INPP5D: variants seen among roughly 807,000 people sequenced by gnomAD.
INPP5D encodes the protein phosphatidylinositol 3,4,5-trisphosphate 5-phosphatase 1.
INPP5D carries 33 observed loss-of-function variants against 122.9 expected under a neutral mutation model. The ratio of observed to expected loss-of-function variants is 0.27; its 90% CI spans 0.20 to 0.36. INPP5D has a LOEUF of 0.36. Ranked by LOEUF, INPP5D falls within the 10% of genes least tolerant of loss-of-function variation. The pLI is 1.00. For synonymous variants in INPP5D, 584 were observed against 576.2 expected (o/e 1.01, Z -0.19); for missense variants, 1,053 against 1,412.7 (o/e 0.75, Z 4.08).
intron 25 of INPP5D, among the ~76,000 whole-genome samples, chr2:233,200,074 A>G (rs1434438259): frequency 2.0e-5 from 3 of 152,202 alleles, no homozygotes; most frequent in Non-Finnish European, 4.4e-5. Context: ...GCCTGCAGAG[A>G]GAGGAGGCCC....
chr2:233,105,797 G>A lies in INPP5D; in HGVS notation c.199-16310G>A, dbSNP rs2106238251. The stretch of plus-strand genomic sequence containing the variant: ...GAGGACAGGCTGCCAGCAAGTGGAG[G>A]GTGCCAGGGAGAGAGTGGCTCTGGG... On this transcript the variant is annotated intron_variant, in intron 2 of 26. Transcript: ENST00000445964. The surrounding 1 kb of genome is among the most constrained non-coding windows in gnomAD (Gnocchi z 4.0). Among the ~76,000 whole-genome samples, 1 of 152,278 alleles carries A rather than the reference G, an allele frequency of 6.6e-6. No individual in the cohort carries two copies. Among genetic ancestry groups the A allele is most frequent in the African/African-American group, 2.4e-5 (1 of 41,554 alleles).
chr2:233,173,208 C>CAA (rs199492575), intron 17 of INPP5D, among the ~76,000 whole-genome samples: 9 of 100,044 alleles, frequency 9.0e-5, no homozygotes, highest in Middle Eastern at 5.6e-3. Flanking sequence ...GACTGTGTCT[C>CAA]AAAAAAAAAA....
rs150404156 is a variant in INPP5D, at chr2:233,126,284, G to A, written c.524+365G>A. ...AACTTTTTGTTTCTTTGTGAGAAACGCTCCATTGCCCCCCAAAGAAATCCT... is the reference window on the plus strand; with the variant it reads ...AACTTTTTGTTTCTTTGTGAGAAACACTCCATTGCCCCCCAAAGAAATCCT... On this transcript the variant is annotated intron_variant, in intron 4 of 26. Coordinates refer to ENST00000445964, the MANE Select transcript of INPP5D (RefSeq NM_001017915.3). Among the ~76,000 whole-genome samples the A allele has an allele frequency of 1.4e-4, 22 of 152,284 alleles. No homozygotes were observed. The East Asian group carries it at 2.5e-3, about 17-fold the overall frequency.
intron 5 of INPP5D, among the ~76,000 whole-genome samples, chr2:233,133,654 G>A (rs1693391402): frequency 6.6e-6 from 1 of 152,162 alleles, no homozygotes; most frequent in Admixed American, 6.5e-5. Context: ...ATTTCACTGG[G>A]TGTCCTGTGT....
chr2:233,191,541 C>G (rs1695057323), intron 22 of INPP5D, among the ~76,000 whole-genome samples: 1 of 152,134 alleles, frequency 6.6e-6, no homozygotes, highest in Admixed American at 6.5e-5. Flanking sequence ...ATGAGGAAGA[C>G]CAGAATGCTG....
Position 233,197,966 on chromosome 2 carries a change from C to T in INPP5D, c.2694-129C>T. ...GATGAATGAATGAATGGATCACTGC[C>T]CAAGAGGTGAAGGAGTTGAGGAGAG... On this transcript the variant is annotated intron_variant, in intron 24 of 26. Transcript: ENST00000445964. This position sits in a 1 kb window ranked among gnomAD's most constrained non-coding sequence, Gnocchi z 4.4. 4 of 1,333,016 alleles carry T rather than the reference C, an allele frequency of 3.0e-6. No individual in the cohort carries two copies. In the South Asian group the frequency reaches 7.0e-5, roughly 23 times the overall value. 82.6% of individuals were successfully genotyped at this position (1,333,016 alleles called of 1,614,324 possible).
chr2:233,176,385 G>C (rs1211467341), intron 17 of INPP5D, among the ~76,000 whole-genome samples: 1 of 3,682 alleles, frequency 2.7e-4, no homozygotes, highest in African/African-American at 8.9e-4. Flanking sequence ...GGGTGGGTGG[G>C]TGGATGGATG....
intron 9 of INPP5D, among the ~76,000 whole-genome samples, chr2:233,155,121 A>C (rs569506348): frequency 6.6e-6 from 1 of 152,284 alleles, no homozygotes; most frequent in South Asian, 2.1e-4. Context: ...TGAAAGTGAA[A>C]AAGGATGAGG....
chr2:233,119,662 C>CA (rs1463400879), intron 2 of INPP5D, among the ~76,000 whole-genome samples: 1 of 151,974 alleles, frequency 6.6e-6, no homozygotes, highest in Non-Finnish European at 1.5e-5. Flanking sequence ...GCAATGCACA[C>CA]AAAAAAACAC....
intron 3 of INPP5D, among the ~76,000 whole-genome samples, chr2:233,124,665 G>A (rs746405759): frequency 6.6e-6 from 1 of 152,196 alleles, no homozygotes; most frequent in South Asian, 2.1e-4. Flanking sequence ...CTGCAGAAAC[G>A]CCCTCCACAC....
At chr2:233,093,610 G>A (rs1293503183) in intron 2 of INPP5D, among the ~76,000 whole-genome samples, 2 of 151,282 alleles carry the variant, frequency 1.3e-5, no homozygotes, top group Admixed American at 6.6e-5. Context: ...AACTTGGGAG[G>A]CTGAGGTTGC....
intron 11 of INPP5D, among the ~76,000 whole-genome samples, chr2:233,162,283 A>AT (rs1435255992): frequency 6.7e-6 from 1 of 149,600 alleles, no homozygotes; most frequent in Non-Finnish European, 1.5e-5. Flanking sequence ...GCCCAGTTAA[A>AT]TTTTAACTTC....
chr2:233,133,729 G>T (rs1248588310), intron 5 of INPP5D, among the ~76,000 whole-genome samples: 4 of 152,180 alleles, frequency 2.6e-5, no homozygotes, highest in African/African-American at 9.7e-5. Context: ...TAGAGTTTGT[G>T]CAGGGCTGGG....
chr2:233,074,872 C>T (rs1691477923), intron 1 of INPP5D, among the ~76,000 whole-genome samples: 1 of 152,066 alleles, frequency 6.6e-6, no homozygotes, highest in Admixed American at 6.6e-5. Flanking sequence ...TGGGTCTGTC[C>T]ATGGTGAAGA....
At chr2:233,094,788 G>A (rs1013251525) in intron 2 of INPP5D, among the ~76,000 whole-genome samples, 1 of 152,136 alleles carries the variant, frequency 6.6e-6, no homozygotes, top group African/African-American at 2.4e-5. Flanking sequence ...CCATGTGTGG[G>A]TTGGGGGAAT....
chr2:233,163,901 A>G lies in INPP5D; in HGVS notation c.1435A>G (p.Thr479Ala). 6.2e-7 allele frequency: 1 copy of G among 1,613,554 alleles called. No individual in the cohort carries two copies. Among genetic ancestry groups the G allele is most frequent in the East Asian group, 2.2e-5 (1 of 44,876 alleles). ...AGAAATCACCAGTGTGACTTTTAAA[A>G]CAGTGAGCAGCTGGCTGCACGCTGG... is the stretch of plus-strand genomic sequence containing the variant. ...LQEITSVTFK[T>A]VAIHTLWNIR... The change falls in exon 12 of 27, where the codon ACA (threonine) becomes GCA (alanine). Residue 479 changes from threonine (T) to alanine (A), a missense_variant and splice_region_variant. This residue lies in a region of INPP5D where 105 missense variants were observed against 199.8 expected (regional missense o/e 0.53). Transcript: ENST00000445964.
Position 233,078,663 on chromosome 2 carries a change from T to C in INPP5D, c.135-672T>C, listed in dbSNP as rs1404403798. 1.3e-5 allele frequency among the ~76,000 whole-genome samples: 2 copies of C among 151,378 alleles called. No homozygotes were observed. Among genetic ancestry groups the C allele is most frequent in the African/African-American group, 4.9e-5 (2 of 40,970 alleles). On this transcript the variant is annotated intron_variant, in intron 1 of 26. Coordinates refer to ENST00000445964, the MANE Select transcript of INPP5D (RefSeq NM_001017915.3). The surrounding 1 kb of genome is among the most constrained non-coding windows in gnomAD (Gnocchi z 4.6). ...TCGTGTTTCTTCTTCAAACACCCCC[T>C]CTTTTTTGTTGTTTTTTTGTTTTGT... is the stretch of plus-strand genomic sequence containing the variant.
At chr2:233,152,897 A>T (rs967313836) in intron 9 of INPP5D, among the ~76,000 whole-genome samples, 2 of 152,286 alleles carry the variant, frequency 1.3e-5, no homozygotes, top group East Asian at 3.9e-4. Context: ...CTTCAAAAAG[A>T]TAACTCTGGC....
chr2:233,131,885 C>G (rs1559309950), intron 5 of INPP5D, among the ~76,000 whole-genome samples: 1 of 152,188 alleles, frequency 6.6e-6, no homozygotes, highest in East Asian at 1.9e-4. Flanking sequence ...GCAGAAAACA[C>G]TCTTTTATCA....
Sources: gnomAD v4.1 joint callset for allele counts (sites outside exome capture counted in the v4.1 genomes callset) on GRCh38, gnomAD v4.1.1 for gene constraint, gnomAD v4.1.1 regional missense constraint, Gnocchi (gnomAD v3.1) non-coding constraint, MANE v1.5 for transcripts, NCBI Gene and HGNC (gene_info 2026-07-23, HGNC 2026-07-21) for gene names.